The following CPVL variants were observed in gnomAD, a reference collection of about 807,000 sequenced individuals.
The protein encoded by CPVL is probable serine carboxypeptidase CPVL.
In CPVL, 51 loss-of-function variants were observed where a neutral mutation model predicts 63.7. The observed-to-expected ratio is 0.80, with a 90% confidence interval of 0.64 to 1.01. The LOEUF is 1.01. CPVL is among the 50% of genes least tolerant of loss of function. The probability of loss-of-function intolerance (pLI) is 0.00; values close to 1 mark genes in which losing one functional copy is unlikely to be tolerated. For missense variants in CPVL, 530 were observed against 573.1 expected (o/e 0.92, Z 0.77); for synonymous variants, 195 against 206.0 (o/e 0.95, Z 0.46).
intron 1 of CPVL, among the ~76,000 whole-genome samples, chr7:29,121,827 A>G (rs1440934273): frequency 1.3e-5 from 2 of 152,194 alleles, no homozygotes; most frequent in Non-Finnish European, 2.9e-5. Context: ...TTTGTATCAA[A>G]GAACAACAAC....
At chr7:29,134,546 A>C (rs1282262644) in intron 1 of CPVL, among the ~76,000 whole-genome samples, 1 of 152,230 alleles carries the variant, frequency 6.6e-6, no homozygotes, top group Admixed American at 6.5e-5. Flanking sequence ...AAATGTCTTT[A>C]AGGAGATAAG....
At chr7:29,122,074 A>G (rs1173053086) in intron 1 of CPVL, among the ~76,000 whole-genome samples, 1 of 152,182 alleles carries the variant, frequency 6.6e-6, no homozygotes, top group Non-Finnish European at 1.5e-5. Flanking sequence ...TATGTAAATT[A>G]TATTTATAGT....
chr7:29,068,616 T>C (rs1783375652), intron 9 of CPVL, among the ~76,000 whole-genome samples: 1 of 151,422 alleles, frequency 6.6e-6, no homozygotes. Flanking sequence ...CCTCACACAA[T>C]GGAGGCATCT....
chr7:29,129,855 T>A (rs1790499890), intron 1 of CPVL, among the ~76,000 whole-genome samples: 1 of 152,120 alleles, frequency 6.6e-6, no homozygotes, highest in African/African-American at 2.4e-5. Flanking sequence ...CCAATATAAC[T>A]CGTGTCCTTA....
At chr7:29,185,455 C>T (rs1798593339) in intron 3 of CPVL, 1 of 152,196 alleles carries the variant, frequency 6.6e-6, no homozygotes, top group South Asian at 2.1e-4. Context: ...GATTCCCTCT[C>T]TTTCCTTCAT....
intron 5 of CPVL, among the ~76,000 whole-genome samples, chr7:29,164,779 C>CAAAAAAAA (rs55742522): frequency 1.2e-5 from 1 of 85,880 alleles, no homozygotes; most frequent in African/African-American, 4.3e-5. Context: ...AGACCTGTCT[C>CAAAAAAAA]AAAAAAAAAA....
chr7:29,050,628 T>C (rs6959925), intron 11 of CPVL, among the ~76,000 whole-genome samples: 97,542 of 152,012 alleles, frequency 0.64, 31,832 homozygotes, highest in Non-Finnish European at 0.71. Context: ...CCCATACTTA[T>C]GGATGGGTAG....
intron 12 of CPVL, among the ~76,000 whole-genome samples, chr7:29,018,598 C>T (rs1786649690): frequency 6.6e-6 from 1 of 152,000 alleles, no homozygotes; most frequent in South Asian, 2.1e-4. Flanking sequence ...AGGCTGGTCT[C>T]GAACTCCTGG....
chr7:29,189,814 A>G (rs1161167516), intron 1 of CPVL, among the ~76,000 whole-genome samples: 4 of 152,234 alleles, frequency 2.6e-5, no homozygotes, highest in African/African-American at 9.6e-5. Context: ...AGGATACTCC[A>G]GGCAATACCC....
chr7:29,072,045 A>T, intron 8 of CPVL, 141 bp from the exon 9 acceptor site: 1 of 982,654 alleles, frequency 1.0e-6, no homozygotes, highest in Non-Finnish European at 1.5e-6. Flanking sequence ...ATGCACACAC[A>T]CATATACACC....
intron 6 of CPVL, among the ~76,000 whole-genome samples, chr7:29,087,423 C>CCAA (rs1461033518): frequency 3.9e-4 from 28 of 71,402 alleles, no homozygotes; most frequent in African/African-American, 1.1e-3. Context: ...GACTCTGTCT[C>CCAA]AAAAAAAAAA....
rs536983455 is a variant in CPVL, at chr7:29,164,626, C to T, written c.-11+16664G>A. Among the ~76,000 whole-genome samples, 8 of 151,682 alleles carry T rather than the reference C, an allele frequency of 5.3e-5. No homozygotes were observed. The South Asian group carries it at 1.5e-3, about 28-fold the overall frequency. ...CAAAACCCCATCTCTACTAAAAATA[C>T]AAAAATTAGCCACGCGTGGTGGCAT... is the stretch of plus-strand genomic sequence containing the variant. On this transcript the variant is annotated intron_variant, in intron 5 of 16. Transcript: ENST00000409850.
chr7:29,147,726 A>T (rs2128684387), upstream of CPVL, among the ~76,000 whole-genome samples: 1 of 152,322 alleles, frequency 6.6e-6, no homozygotes, highest in South Asian at 2.1e-4. Flanking sequence ...TAAGGCCAAA[A>T]TCAGCCCACC....
intron 5 of CPVL, among the ~76,000 whole-genome samples, chr7:29,175,668 A>G (rs1172762508): frequency 2.0e-5 from 3 of 152,140 alleles, no homozygotes. Flanking sequence ...GCAGCATGAG[A>G]ACAGACTAAC....
intron 5 of CPVL, among the ~76,000 whole-genome samples, chr7:29,165,761 T>G (rs1584510319): frequency 6.6e-6 from 1 of 152,318 alleles, no homozygotes; most frequent in South Asian, 2.1e-4. Context: ...AGATGTTGAA[T>G]TTTTGTCATA....
chr7:29,146,141 AGTAGG>A (rs1792588732), intron 1 of CPVL: 1 of 156,850 alleles, frequency 6.4e-6, no homozygotes, highest in African/African-American at 2.4e-5. Flanking sequence ...GAGCTCCTGG[AGTAGG>A]AGACGGCTTC....
chr7:29,057,000 G>C (rs1283788596), intron 11 of CPVL, among the ~76,000 whole-genome samples: 3 of 136,814 alleles, frequency 2.2e-5, no homozygotes, highest in Non-Finnish European at 3.0e-5. Context: ...GCCTAGGCTA[G>C]AGTACGGTGG....
chr7:29,124,136 GT>G (rs962605031), intron 1 of CPVL, among the ~76,000 whole-genome samples: 1 of 152,072 alleles, frequency 6.6e-6, no homozygotes, highest in Non-Finnish European at 1.5e-5. Context: ...GGAGAAGTGG[GT>G]TTTTTAAACA....
At chr7:29,049,843 G>T (rs1789974035) in intron 11 of CPVL, among the ~76,000 whole-genome samples, 1 of 151,984 alleles carries the variant, frequency 6.6e-6, no homozygotes, top group South Asian at 2.1e-4. Flanking sequence ...TTCATACCAG[G>T]GATGCAGGGA....
Sources: gnomAD v4.1 joint callset for allele counts (sites outside exome capture counted in the v4.1 genomes callset) on GRCh38, gnomAD v4.1.1 for gene constraint, MANE v1.5 for transcripts, NCBI Gene and HGNC (gene_info 2026-07-23, HGNC 2026-07-21) for gene names.